TMEM117: variants seen among roughly 807,000 people sequenced by gnomAD.
TMEM117 encodes transmembrane protein 117.
TMEM117 carries 27 observed loss-of-function variants against 52.4 expected under a neutral mutation model. That is an observed-to-expected ratio of 0.51 (90% confidence interval 0.38 to 0.71). The LOEUF (loss-of-function observed/expected upper bound fraction) is 0.71. TMEM117 is among the 30% of genes least tolerant of loss of function. The pLI, the probability that TMEM117 is intolerant of heterozygous loss-of-function variation, is 0.00. For missense variants in TMEM117, 556 were observed against 630.5 expected (o/e 0.88, Z 1.26); for synonymous variants, 215 against 206.3 (o/e 1.04, Z -0.36).
At chr12:44,233,159 T>C (rs73272290) in intron 5 of TMEM117, among the ~76,000 whole-genome samples, 2,877 of 151,372 alleles carry the variant, frequency 0.019, 81 homozygotes, top group African/African-American at 0.066. Flanking sequence ...CAAACAACAC[T>C]TGAAATGAGA....
chr12:43,983,547 CGTGTGT>C (rs748259406), intron 3 of TMEM117, among the ~76,000 whole-genome samples: 11,733 of 110,372 alleles, frequency 0.11, 599 homozygotes, highest in African/African-American at 0.14. Flanking sequence ...TTGCACCAAC[CGTGTGT>C]GTGTGTGTGT....
intron 3 of TMEM117, among the ~76,000 whole-genome samples, chr12:44,139,513 T>C (rs1948541157): frequency 6.6e-6 from 1 of 152,022 alleles, no homozygotes; most frequent in Non-Finnish European, 1.5e-5. Flanking sequence ...GATTTGATGG[T>C]TAAGGTTTAA....
At chr12:43,871,385 T>C (rs1592322594) in intron 2 of TMEM117, among the ~76,000 whole-genome samples, 2 of 152,238 alleles carry the variant, frequency 1.3e-5, no homozygotes, top group Admixed American at 6.5e-5. Flanking sequence ...ATTGCAGGCA[T>C]GAGCCACTGT....
chr12:44,205,706 C>T (rs1949556002), intron 4 of TMEM117, among the ~76,000 whole-genome samples: 1 of 151,998 alleles, frequency 6.6e-6, no homozygotes, highest in Non-Finnish European at 1.5e-5. Flanking sequence ...AATCAAACCA[C>T]AATAAGATAC....
chr12:43,839,951 A>G (rs555535721), intron 1 of TMEM117, among the ~76,000 whole-genome samples: 28 of 152,326 alleles, frequency 1.8e-4, no homozygotes, highest in Admixed American at 1.6e-3. Flanking sequence ...ACTGGCTCCA[A>G]ATTATCCTTA....
intron 2 of TMEM117, among the ~76,000 whole-genome samples, chr12:43,895,268 G>A (rs1944179205): frequency 6.6e-6 from 1 of 151,916 alleles, no homozygotes; most frequent in Non-Finnish European, 1.5e-5. Flanking sequence ...GTGTTCCTGT[G>A]TAAGTTTGCT....
chr12:44,393,830 GC>G (rs1320838840), downstream of TMEM117, among the ~76,000 whole-genome samples: 2 of 152,302 alleles, frequency 1.3e-5, no homozygotes, highest in Non-Finnish European at 2.9e-5. Context: ...AATGGCAAAA[GC>G]AGTCAGTTCA....
intron 5 of TMEM117, among the ~76,000 whole-genome samples, chr12:44,245,390 G>A (rs1950115979): frequency 1.3e-5 from 2 of 151,724 alleles, no homozygotes; most frequent in South Asian, 4.1e-4. Context: ...ATATTTTATA[G>A]TTTTCAACAT....
At chr12:44,309,585 C>T (rs1272898114) in intron 6 of TMEM117, among the ~76,000 whole-genome samples, 2 of 151,956 alleles carry the variant, frequency 1.3e-5, no homozygotes, top group East Asian at 3.9e-4. Flanking sequence ...ACTAAAAGGC[C>T]AACATTCATT....
chr12:44,073,140 G>C (rs1218833371), intron 3 of TMEM117, among the ~76,000 whole-genome samples: 2 of 150,494 alleles, frequency 1.3e-5, no homozygotes, highest in African/African-American at 2.4e-5. Flanking sequence ...TTTGTTTTCT[G>C]TTGAAAACCT....
intron 3 of TMEM117, among the ~76,000 whole-genome samples, chr12:44,027,309 G>A (rs934074927): frequency 5.9e-5 from 9 of 151,568 alleles, no homozygotes; most frequent in Non-Finnish European, 1.3e-4. Context: ...AAGTAGCTGG[G>A]ATTACAAGCA....
chr12:44,324,787 AT>A (rs1193392935), intron 6 of TMEM117, among the ~76,000 whole-genome samples: 1 of 152,142 alleles, frequency 6.6e-6, no homozygotes, highest in African/African-American at 2.4e-5. Context: ...TCCCAAGATC[AT>A]TTTAATGAAT....
chr12:44,262,171 A>G (rs1000930758), intron 5 of TMEM117, among the ~76,000 whole-genome samples: 3 of 152,206 alleles, frequency 2.0e-5, no homozygotes, highest in African/African-American at 4.8e-5. Context: ...TATGCTGACT[A>G]TAGTCAATAG....
chr12:44,282,543 C>T (rs988618664), intron 5 of TMEM117, among the ~76,000 whole-genome samples: 7 of 152,042 alleles, frequency 4.6e-5, no homozygotes, highest in Non-Finnish European at 1.0e-4. Flanking sequence ...TTGCCCCTGC[C>T]CTAGAGATCT....
chr12:44,211,583 T>TGTGAATTAGC (rs1949646065), intron 5 of TMEM117, among the ~76,000 whole-genome samples, 196 bp downstream of exon 5: 1 of 152,214 alleles, frequency 6.6e-6, no homozygotes, highest in Admixed American at 6.5e-5. Flanking sequence ...TTCACATTTA[T>TGTGAATTAGC]AAAACAGAAG....
chr12:44,144,384 C>T (rs73290206), intron 4 of TMEM117, among the ~76,000 whole-genome samples: 4,654 of 152,226 alleles, frequency 0.031, 159 homozygotes, highest in African/African-American at 0.083. Flanking sequence ...TCATTAATAC[C>T]GTTCATAAAT....
chr12:43,842,578 T>C (rs989106563), intron 1 of TMEM117, among the ~76,000 whole-genome samples: 3 of 152,168 alleles, frequency 2.0e-5, no homozygotes, highest in Non-Finnish European at 1.5e-5. Context: ...CTCAGGAGCC[T>C]TGGAGGCTAT....
intron 5 of TMEM117, among the ~76,000 whole-genome samples, chr12:44,250,146 G>GA (rs151136119): frequency 0.085 from 12,852 of 151,726 alleles, 750 homozygotes; most frequent in Middle Eastern, 0.2. Flanking sequence ...AAATTTACAG[G>GA]AAAAAAATAA....
At chr12:43,906,740 C>T (rs147190123) in intron 2 of TMEM117, among the ~76,000 whole-genome samples, 14 of 149,128 alleles carry the variant, frequency 9.4e-5, no homozygotes, top group Admixed American at 2.0e-4. Flanking sequence ...TGACAGACAG[C>T]ACCTGGAAAA....
Sources: allele counts gnomAD v4.1 joint callset (sites outside exome capture counted in the v4.1 genomes callset), GRCh38; gene constraint gnomAD v4.1.1; transcripts MANE v1.5; gene names NCBI Gene and HGNC (gene_info 2026-07-23, HGNC 2026-07-21).